The following PXDNL variants were observed in gnomAD, a reference collection of about 807,000 sequenced individuals.
The protein encoded by PXDNL is probable oxidoreductase PXDNL.
PXDNL carries 145 observed loss-of-function variants against 150.8 expected under a neutral mutation model. The ratio of observed to expected loss-of-function variants is 0.96; its 90% CI spans 0.84 to 1.10. PXDNL has a LOEUF of 1.10. PXDNL is among the 50% of genes least tolerant of loss of function. The pLI, the probability that PXDNL is intolerant of heterozygous loss-of-function variation, is 0.00. For missense variants in PXDNL, 2,087 were observed against 1,873.9 expected, an observed-to-expected ratio of 1.11 and a Z score of -2.10; for synonymous variants, 757 against 725.7, an observed-to-expected ratio of 1.04 and a Z score of -0.69.
chr8:51,383,722 C>T (rs912624577), intron 17 of PXDNL, among the ~76,000 whole-genome samples: 3 of 152,032 alleles, frequency 2.0e-5, no homozygotes, highest in African/African-American at 4.8e-5. Flanking sequence ...GTGCTTTTGT[C>T]GGTATTTTGA....
chr8:51,793,228 G>T (rs1289909800), intron 1 of PXDNL, among the ~76,000 whole-genome samples: 2 of 152,178 alleles, frequency 1.3e-5, no homozygotes, highest in Non-Finnish European at 2.9e-5. Flanking sequence ...GCAGCCCTAT[G>T]AAAGAGGGGT....
In PXDNL at chr8:51,423,559, A is replaced by G; in HGVS notation, c.1795+16T>C. 6.2e-7 allele frequency: 1 copy of G among 1,609,870 alleles called. No individual in the cohort carries two copies. The highest frequency in any genetic ancestry group is 8.5e-7 in the Non-Finnish European group (1 of 1,177,568). ...ACAGTTATTTGGATGTTGTAAATGG[A>G]GCTATAGACACCTACCCGTGACTGT... On this transcript the variant is annotated intron_variant, in intron 14 of 22. Coordinates refer to ENST00000356297, the MANE Select transcript of PXDNL (RefSeq NM_144651.5).
intron 1 of PXDNL, among the ~76,000 whole-genome samples, chr8:51,683,283 T>C (rs1442449848): frequency 1.4e-5 from 2 of 146,924 alleles, no homozygotes; most frequent in Non-Finnish European, 3.0e-5. Context: ...ATTGAGGCGA[T>C]ACCTCACTGT....
At chr8:51,477,312 A>G (rs1371300397) in intron 6 of PXDNL, among the ~76,000 whole-genome samples, 1 of 152,260 alleles carries the variant, frequency 6.6e-6, no homozygotes, top group African/African-American at 2.4e-5. Flanking sequence ...AAGTTAGTTA[A>G]CCATACACAT....
chr8:51,759,486 C>T (rs1000681088), intron 1 of PXDNL, among the ~76,000 whole-genome samples: 11 of 152,188 alleles, frequency 7.2e-5, no homozygotes, highest in African/African-American at 2.4e-4. Flanking sequence ...GTGTGAGAGC[C>T]ACAGGGAGGG....
At chr8:51,348,300 T>G (rs1326028237) in intron 19 of PXDNL, among the ~76,000 whole-genome samples, 1 of 152,176 alleles carries the variant, frequency 6.6e-6, no homozygotes, top group African/African-American at 2.4e-5. Context: ...CACCAATAGA[T>G]TGTTCAAGGT....
rs140427955 is a variant in PXDNL at position 51,513,449 on chromosome 8, C to T, written c.381-13679G>A. Among the ~76,000 whole-genome samples, 279 of 152,326 alleles carry T rather than the reference C, an allele frequency of 1.8e-3. 5 individuals are homozygous for T. In the East Asian group the frequency reaches 0.033, roughly 18 times the overall value. On this transcript the variant is annotated intron_variant, in intron 4 of 22. Coordinates refer to ENST00000356297, the MANE Select transcript of PXDNL (RefSeq NM_144651.5). Reference sequence around the variant, plus strand: ...CACTGTGCAAGGGACCAGAAGAAGCCTCAGCTTGCACACCAATGCAACCTT... The same window carrying T: ...CACTGTGCAAGGGACCAGAAGAAGCTTCAGCTTGCACACCAATGCAACCTT...
chr8:51,342,667 C>T (rs1168722464), intron 20 of PXDNL, among the ~76,000 whole-genome samples: 4 of 152,120 alleles, frequency 2.6e-5, no homozygotes, highest in Admixed American at 6.5e-5. Context: ...TAAAGAGAAT[C>T]CCACGTCAGG....
chr8:51,649,263 T>C (rs1029935479), intron 2 of PXDNL, among the ~76,000 whole-genome samples: 1 of 152,214 alleles, frequency 6.6e-6, no homozygotes, highest in African/African-American at 2.4e-5. Context: ...TTGGTTTAAT[T>C]GTCATTTTCT....
At chr8:51,756,866 G>A (rs890527390) in intron 1 of PXDNL, among the ~76,000 whole-genome samples, 2 of 151,828 alleles carry the variant, frequency 1.3e-5, no homozygotes, top group South Asian at 2.1e-4. Flanking sequence ...TCTAGACTTA[G>A]AAACTATCCA....
At chr8:51,713,801 T>C (rs1011425235) in intron 1 of PXDNL, among the ~76,000 whole-genome samples, 3 of 152,176 alleles carry the variant, frequency 2.0e-5, no homozygotes, top group African/African-American at 7.2e-5. Flanking sequence ...TTAATCTCAA[T>C]TAGGGTTGAA....
intron 1 of PXDNL, among the ~76,000 whole-genome samples, chr8:51,744,363 GAGAA>G (rs1463713512): frequency 2.6e-5 from 4 of 150,964 alleles, no homozygotes; most frequent in Non-Finnish European, 4.4e-5. Context: ...AGAAAAGAGA[GAGAA>G]AGAGAAAAAA....
At chr8:51,619,566 C>T (rs1814196018) in intron 2 of PXDNL, among the ~76,000 whole-genome samples, 1 of 152,172 alleles carries the variant, frequency 6.6e-6, no homozygotes, top group African/African-American at 2.4e-5. Context: ...TCTCATGATA[C>T]TGAGTGAGAG....
At chr8:51,437,926 A>C (rs969242020) in intron 12 of PXDNL, among the ~76,000 whole-genome samples, 7 of 152,180 alleles carry the variant, frequency 4.6e-5, no homozygotes, top group African/African-American at 1.7e-4. Flanking sequence ...CTCCTCAAAA[A>C]AGTTCCTAGA....
In PXDNL at chr8:51,339,854, C is replaced by CATTGTG. The variant is rs1484379768; in HGVS notation, c.4017-107_4017-102dup. ...CTTTGGTCATTTGGCATGTACAAGG[C>CATTGTG]ATTGTGATTGGTGTTCTTTGTGATC... On this transcript the variant is annotated intron_variant, in intron 20 of 22. Transcript: ENST00000356297. 5 of 1,128,202 alleles carry CATTGTG rather than the reference C, an allele frequency of 4.4e-6. No individual in the cohort carries two copies. In the African/African-American group the frequency reaches 7.9e-5, roughly 18 times the overall value. 69.9% of individuals were successfully genotyped at this position (1,128,202 alleles called of 1,614,324 possible).
At chr8:51,671,175 G>A (rs1373792453) in intron 1 of PXDNL, among the ~76,000 whole-genome samples, 1 of 152,190 alleles carries the variant, frequency 6.6e-6, no homozygotes, top group Non-Finnish European at 1.5e-5. Flanking sequence ...TATGAATTAT[G>A]CTGTATATCC....
chr8:51,768,049 G>A (rs1054230502), intron 1 of PXDNL, among the ~76,000 whole-genome samples: 9 of 152,202 alleles, frequency 5.9e-5, no homozygotes, highest in Admixed American at 5.9e-4. Flanking sequence ...TACCATGGCT[G>A]TGAAGCTGTT....
At chr8:51,773,253 G>A (rs2037318398) in intron 1 of PXDNL, among the ~76,000 whole-genome samples, 1 of 152,134 alleles carries the variant, frequency 6.6e-6, no homozygotes, top group Non-Finnish European at 1.5e-5. Context: ...TTACCCTCCT[G>A]CCCACGCTTC....
chr8:51,490,193 A>G (rs1160304510), intron 5 of PXDNL, among the ~76,000 whole-genome samples: 1 of 152,260 alleles, frequency 6.6e-6, no homozygotes, highest in Non-Finnish European at 1.5e-5. Flanking sequence ...TAAATAATTT[A>G]AATCACACAA....
Sources: allele counts gnomAD v4.1 joint callset (sites outside exome capture counted in the v4.1 genomes callset), GRCh38; gene constraint gnomAD v4.1.1; transcripts MANE v1.5; gene names NCBI Gene and HGNC (gene_info 2026-07-23, HGNC 2026-07-21).